Variants in PXYLP1 observed in about 807,000 individuals in gnomAD.
PXYLP1 encodes the protein acid phosphatase-like 2.
PXYLP1 carries 17 observed loss-of-function variants against 37.9 expected under a neutral mutation model. That is an observed-to-expected ratio of 0.45 (90% confidence interval 0.31 to 0.67). The LOEUF (loss-of-function observed/expected upper bound fraction) is 0.67. Ranked by LOEUF, PXYLP1 falls within the 30% of genes least tolerant of loss-of-function variation. PXYLP1 has a pLI of 0.07. For synonymous variants in PXYLP1, 221 were observed against 232.2 expected, an observed-to-expected ratio of 0.95 and a Z score of 0.44; for missense variants, 511 against 612.0, an observed-to-expected ratio of 0.84 and a Z score of 1.74.
intron 1 of PXYLP1, among the ~76,000 whole-genome samples, chr3:141,257,892 GA>G (rs1314622728): frequency 6.6e-5 from 7 of 105,882 alleles, no homozygotes; most frequent in Non-Finnish European, 1.3e-4. Context: ...CTACAAGAGC[GA>G]AACTCTGTCT....
At chr3:141,249,702 T>C (rs529013074) in intron 1 of PXYLP1, among the ~76,000 whole-genome samples, 21 of 152,346 alleles carry the variant, frequency 1.4e-4, no homozygotes, top group African/African-American at 5.1e-4. Context: ...CATGTTCTCC[T>C]GTCTTTGTTG....
In PXYLP1 at chr3:141,248,561, G is replaced by GTA. The variant is rs536273966; in HGVS notation, c.-53-11553_-53-11552dup. Among the ~76,000 whole-genome samples the GTA allele has an allele frequency of 2.8e-4, 38 of 134,054 alleles. 2 individuals carry two copies. Among genetic ancestry groups the GTA allele is most frequent in the African/African-American group, 9.3e-4 (32 of 34,304 alleles). The allele number at this position is 134,054 out of a possible 152,430, so 87.9% of individuals were successfully genotyped here. On this transcript the variant is annotated intron_variant, in intron 1 of 5. Coordinates refer to ENST00000286353, the MANE Select transcript of PXYLP1 (RefSeq NM_001037172.3). ...TACACACACGTATATATACACACGT[G>GTA]TATATATATACACACATGTATATAT...
intron 4 of PXYLP1, among the ~76,000 whole-genome samples, chr3:141,282,136 T>G (rs903881575): frequency 2.0e-5 from 3 of 152,036 alleles, no homozygotes; most frequent in African/African-American, 7.3e-5. Flanking sequence ...GTGCCCTTCC[T>G]CCACCCCTAA....
At chr3:141,242,585 G>T (rs982715668) in intron 1 of PXYLP1, among the ~76,000 whole-genome samples, 2 of 152,208 alleles carry the variant, frequency 1.3e-5, no homozygotes, top group African/African-American at 4.8e-5. Context: ...GTGCTGGGGG[G>T]TGGGGTACAG....
intron 2 of PXYLP1, chr3:141,274,370 A>G: frequency 1.4e-6 from 2 of 1,436,932 alleles, no homozygotes; most frequent in African/African-American, 1.4e-5. Context: ...CCCAAGGCGT[A>G]TCCTGAGCCA....
intron 1 of PXYLP1, chr3:141,236,435 T>G (rs1940659077): frequency 6.6e-6 from 1 of 152,192 alleles, no homozygotes; most frequent in Non-Finnish European, 1.5e-5. Context: ...CCTTTCCTCC[T>G]CCACTTCTGT....
chr3:141,257,009 C>T (rs866666627), intron 1 of PXYLP1, among the ~76,000 whole-genome samples: 7 of 152,170 alleles, frequency 4.6e-5, no homozygotes, highest in Non-Finnish European at 8.8e-5. Flanking sequence ...GTTAACCTAA[C>T]GTATTTAAAT....
At chr3:141,274,824 C>T (rs781380231) in intron 2 of PXYLP1, among the ~76,000 whole-genome samples, 1 of 152,144 alleles carries the variant, frequency 6.6e-6, no homozygotes, top group Admixed American at 6.5e-5. Flanking sequence ...GGATTCAGGG[C>T]GGGCTTCCTG....
intron 1 of PXYLP1, chr3:141,258,521 A>T (rs1170070338): frequency 1.3e-5 from 2 of 152,948 alleles, no homozygotes; most frequent in Non-Finnish European, 2.9e-5. Context: ...TTCAAGAAGC[A>T]TATTCAAGAA....
At chr3:141,245,694 G>A (rs1940919541) in intron 1 of PXYLP1, among the ~76,000 whole-genome samples, 2 of 152,342 alleles carry the variant, frequency 1.3e-5, no homozygotes, top group South Asian at 4.1e-4. Context: ...CACAAGGAGT[G>A]TCCAGTAGAC....
At chr3:141,288,750 G>A (rs548968235) in intron 5 of PXYLP1, among the ~76,000 whole-genome samples, 1 of 152,236 alleles carries the variant, frequency 6.6e-6, no homozygotes, top group Admixed American at 6.5e-5. Flanking sequence ...TTTAAAATTA[G>A]CCAAGTGTGG....
chr3:141,260,439 T>C (rs1271253898), intron 2 of PXYLP1, among the ~76,000 whole-genome samples, 185 bp downstream of exon 2: 1 of 152,242 alleles, frequency 6.6e-6, no homozygotes, highest in South Asian at 2.1e-4. Flanking sequence ...TTCTGTGTGC[T>C]CTTTTGACTT....
intron 1 of PXYLP1, 139 bp from the exon 2 acceptor site, chr3:141,259,984 C>G: frequency 1.6e-6 from 1 of 623,420 alleles, no homozygotes; most frequent in Non-Finnish European, 2.8e-6. Context: ...CTGTTGTTCT[C>G]CAGCTAGAGA....
chr3:141,265,642 G>A (rs911497650), intron 2 of PXYLP1, among the ~76,000 whole-genome samples: 11 of 152,186 alleles, frequency 7.2e-5, no homozygotes, highest in Non-Finnish European at 1.2e-4. Flanking sequence ...GGGTGGTGTC[G>A]TGGGGCTAGG....
In PXYLP1 at chr3:141,279,451, T is replaced by C; in HGVS notation, c.312T>C (p.Tyr104=). ...FIRHGDRYPL[Y]VIPKTKRPEI... ...GCCACGGAGACAGGTACCCACTGTA[T>C]GTCATTCCCAAAACAAAGCGACCAG... The change falls in exon 4 of 6, where the codon TAT becomes TAC. Residue 104 remains tyrosine, a synonymous_variant. Transcript: ENST00000286353. 6.2e-7 allele frequency: 1 copy of C among 1,614,252 alleles called. No homozygotes were observed. Among genetic ancestry groups the C allele is most frequent in the South Asian group, 1.1e-5 (1 of 91,088 alleles).
chr3:141,287,230 G>A (rs576222493), intron 4 of PXYLP1, 84 bp from the exon 5 acceptor site: 58 of 1,478,408 alleles, frequency 3.9e-5, no homozygotes, highest in Admixed American at 1.8e-4. Context: ...TGCGATACAC[G>A]TGGGATTTGG....
At chr3:141,275,842 T>A (rs71314582) in intron 2 of PXYLP1, among the ~76,000 whole-genome samples, 7,545 of 151,126 alleles carry the variant, frequency 0.05, 252 homozygotes, top group Non-Finnish European at 0.072. Flanking sequence ...AATACAGAAA[T>A]ATATATTTCT....
Position 141,251,002 on chromosome 3 carries a change from C to G in PXYLP1, c.-53-9121C>G, listed in dbSNP as rs901374424. ...ATCATATCTAAGAGTGGTATTCAGCCTGGTCAGTGACGAGGTTTTCTGCCT... is the reference window on the plus strand; with the variant it reads ...ATCATATCTAAGAGTGGTATTCAGCGTGGTCAGTGACGAGGTTTTCTGCCT... On this transcript the variant is annotated intron_variant, in intron 1 of 5. Transcript: ENST00000286353. Among the ~76,000 whole-genome samples the G allele has an allele frequency of 7.2e-5, 11 of 152,340 alleles. No individual in the cohort carries two copies. In the South Asian group the frequency reaches 8.3e-4, roughly 11 times the overall value.
At chr3:141,287,259 T>G in intron 4 of PXYLP1, 55 bp from the exon 5 acceptor site, 6 of 1,584,266 alleles carry the variant, frequency 3.8e-6, no homozygotes, top group Non-Finnish European at 5.2e-6. Flanking sequence ...AGCTGGAAAC[T>G]GTTTGGATTC....
Sources: gnomAD v4.1 joint callset for allele counts (sites outside exome capture counted in the v4.1 genomes callset) on GRCh38, gnomAD v4.1.1 for gene constraint, MANE v1.5 for transcripts, NCBI Gene and HGNC (gene_info 2026-07-23, HGNC 2026-07-21) for gene names.